WWOX: variants seen among roughly 807,000 people sequenced by gnomAD.
The protein encoded by WWOX is WW domain-containing oxidoreductase.
In WWOX, 69 loss-of-function variants were observed where a neutral mutation model predicts 46.2. The observed-to-expected ratio is 1.49, with a 90% confidence interval of 1.23 to 1.82. The LOEUF (loss-of-function observed/expected upper bound fraction) is 1.82, where lower values mean the gene tolerates loss of function less well. Among genes scored for constraint, WWOX ranks in the 40% most tolerant of loss-of-function variants. The pLI, the probability that WWOX is intolerant of heterozygous loss-of-function variation, is 0.00. For synonymous variants in WWOX, 359 were observed against 202.6 expected (o/e 1.77, Z -6.56); for missense variants, 919 against 542.6 (o/e 1.69, Z -6.89).
rs188514804 is a variant in WWOX, at chr16:79,001,678, G to C, written c.1057-209930G>C. The stretch of plus-strand genomic sequence containing the variant: ...AAAAGGAGCTGGTGGCAGGGGGAGA[G>C]ATTTCAAATTGAGCTAGACCTCAGG... On this transcript the variant is annotated intron_variant, in intron 8 of 8. Transcript: ENST00000566780. Among the ~76,000 whole-genome samples the C allele has an allele frequency of 1.3e-3, 201 of 151,496 alleles. 2 individuals are homozygous for C. The highest frequency in any genetic ancestry group is 4.7e-3 in the African/African-American group (194 of 41,316).
chr16:78,524,820 G>T (rs1447184498), intron 8 of WWOX, among the ~76,000 whole-genome samples: 34 of 123,218 alleles, frequency 2.8e-4, no homozygotes, highest in East Asian at 2.3e-3. Flanking sequence ...TTTTTTATGG[G>T]TTTTTTTTTT....
intron 5 of WWOX, chr16:78,238,336 A>G (rs2037511426): frequency 6.6e-6 from 1 of 152,212 alleles, no homozygotes; most frequent in Non-Finnish European, 1.5e-5. Flanking sequence ...GTCTCACTTC[A>G]TCACCCAGGC....
At chr16:78,646,780 A>G (rs2046854688) in intron 8 of WWOX, among the ~76,000 whole-genome samples, 1 of 152,196 alleles carries the variant, frequency 6.6e-6, no homozygotes, top group Admixed American at 6.5e-5. Context: ...TAGAACTAGA[A>G]CATAAGCTCT....
intron 8 of WWOX, among the ~76,000 whole-genome samples, chr16:78,626,812 A>C (rs62039373): frequency 0.55 from 84,211 of 151,968 alleles, 24,140 homozygotes; most frequent in East Asian, 0.69. Flanking sequence ...TCATTTATTT[A>C]TATCACGGTA....
intron 4 of WWOX, among the ~76,000 whole-genome samples, chr16:78,153,502 T>A (rs2034490101): frequency 6.6e-6 from 1 of 152,134 alleles, no homozygotes; most frequent in African/African-American, 2.4e-5. Flanking sequence ...CTTCTTGCTT[T>A]ATGCATAATG....
chr16:78,755,614 C>T (rs1210595149), intron 8 of WWOX, among the ~76,000 whole-genome samples: 2 of 152,148 alleles, frequency 1.3e-5, no homozygotes, highest in African/African-American at 2.4e-5. Context: ...ACTGGGATTC[C>T]TGTGTGATTT....
At chr16:78,715,769 G>A (rs2048547121) in intron 8 of WWOX, among the ~76,000 whole-genome samples, 1 of 152,134 alleles carries the variant, frequency 6.6e-6, no homozygotes, top group African/African-American at 2.4e-5. Flanking sequence ...GAGCCACCGT[G>A]CCCAGCCGTG....
At chr16:78,748,269 C>G (rs927995940) in intron 8 of WWOX, among the ~76,000 whole-genome samples, 1 of 152,156 alleles carries the variant, frequency 6.6e-6, no homozygotes, top group African/African-American at 2.4e-5. Flanking sequence ...AGATAGCTCA[C>G]CACAAATAAA....
At chr16:78,115,603 C>G (rs552145019) in intron 4 of WWOX, among the ~76,000 whole-genome samples, 32 of 152,300 alleles carry the variant, frequency 2.1e-4, no homozygotes, top group African/African-American at 7.7e-4. Flanking sequence ...CTTTTGGGCA[C>G]AGGATCTTAT....
At chr16:79,173,804 A>G (rs987273038) in intron 8 of WWOX, among the ~76,000 whole-genome samples, 2 of 151,828 alleles carry the variant, frequency 1.3e-5, no homozygotes, top group African/African-American at 4.9e-5. Flanking sequence ...GTTTAATGAC[A>G]AAGTGGGGTT....
At chr16:78,747,343 GACCAC>G (rs1435157767) in intron 8 of WWOX, among the ~76,000 whole-genome samples, 7 of 151,802 alleles carry the variant, frequency 4.6e-5, no homozygotes, top group Non-Finnish European at 1.5e-5. Context: ...AGGCATCTGC[GACCAC>G]ACCTGTCTAA....
At chr16:79,097,789 G>T (rs2049107522) in intron 8 of WWOX, among the ~76,000 whole-genome samples, 2 of 152,196 alleles carry the variant, frequency 1.3e-5, no homozygotes, top group African/African-American at 4.8e-5. Flanking sequence ...GGGGCTGAGA[G>T]TGGGAACTGA....
At chr16:78,326,950 G>A (rs950942227) in intron 5 of WWOX, among the ~76,000 whole-genome samples, 2 of 152,110 alleles carry the variant, frequency 1.3e-5, no homozygotes, top group Non-Finnish European at 2.9e-5. Flanking sequence ...TTTGCAAACT[G>A]AATTTCTCTT....
chr16:79,024,488 C>T (rs1406924172), intron 8 of WWOX, among the ~76,000 whole-genome samples: 2 of 152,072 alleles, frequency 1.3e-5, no homozygotes, highest in Admixed American at 6.6e-5. Context: ...GGCTGGAGTG[C>T]AGTGGTGCTA....
At chr16:78,111,539 G>C (rs1448369541) in intron 3 of WWOX, among the ~76,000 whole-genome samples, 1 of 152,160 alleles carries the variant, frequency 6.6e-6, no homozygotes, top group African/African-American at 2.4e-5. Context: ...TGTCTGGGAA[G>C]ACACCCGTTA....
intron 8 of WWOX, among the ~76,000 whole-genome samples, chr16:78,621,243 G>C (rs191070698): frequency 1.3e-5 from 2 of 152,112 alleles, no homozygotes; most frequent in African/African-American, 4.8e-5. Context: ...CGGTGGAATT[G>C]TACTTAACTG....
intron 8 of WWOX, among the ~76,000 whole-genome samples, chr16:78,867,847 A>T (rs1002059503): frequency 6.6e-6 from 1 of 152,174 alleles, no homozygotes; most frequent in African/African-American, 2.4e-5. Flanking sequence ...AGACCATGAC[A>T]TGCCTACTAG....
intron 8 of WWOX, among the ~76,000 whole-genome samples, chr16:78,765,012 A>C (rs916254158): frequency 6.6e-6 from 1 of 152,194 alleles, no homozygotes; most frequent in Non-Finnish European, 1.5e-5. Flanking sequence ...GCAGGAAGGA[A>C]CAGGACAAGA....
intron 8 of WWOX, among the ~76,000 whole-genome samples, chr16:78,618,203 C>T (rs1188579608): frequency 6.6e-6 from 1 of 152,218 alleles, no homozygotes; most frequent in Non-Finnish European, 1.5e-5. Context: ...TTCTAAAGTC[C>T]TTGCTCTCCA....
Sources: allele counts gnomAD v4.1 joint callset (sites outside exome capture counted in the v4.1 genomes callset), GRCh38; gene constraint gnomAD v4.1.1; transcripts MANE v1.5; gene names NCBI Gene and HGNC (gene_info 2026-07-23, HGNC 2026-07-21).